The following HSD17B4 variants were observed in gnomAD, a reference collection of about 807,000 sequenced individuals.
HSD17B4 encodes peroxisomal multifunctional enzyme type 2.
HSD17B4 carries 70 observed loss-of-function variants against 101.0 expected under a neutral mutation model. The observed-to-expected ratio is 0.69, with a 90% CI of 0.57 to 0.85. The LOEUF is 0.85. HSD17B4 is among the 40% of genes least tolerant of loss of function. The pLI, the probability that HSD17B4 is intolerant of heterozygous loss-of-function variation, is 0.00. For missense variants in HSD17B4, 984 were observed against 892.4 expected (o/e 1.10, Z -1.31); for synonymous variants, 347 against 297.1 (o/e 1.17, Z -1.73).
rs181750711 is a variant in HSD17B4 at position 119,501,890 on chromosome 5, A to G, written c.1210-151A>G. ...GGGGGATTGATTATTTTTCAATCACATGATTAAGAAGAAGCCAAACAGAGA... is the reference window on the plus strand; with the variant it reads ...GGGGGATTGATTATTTTTCAATCACGTGATTAAGAAGAAGCCAAACAGAGA... On this transcript the variant is annotated intron_variant, in intron 13 of 23. Transcript: ENST00000510025. 7.7e-5 allele frequency: 48 copies of G among 622,770 alleles called. No individual in the cohort carries two copies. The East Asian group carries it at 1.2e-3, about 15-fold the overall frequency. 38.6% of individuals were successfully genotyped at this position (622,770 alleles called of 1,614,324 possible). A position where few individuals can be genotyped will look rare whatever the true frequency, so the allele number is the denominator to read the frequency against.
chr5:119,461,839 T>A (rs1755272755), intron 2 of HSD17B4, among the ~76,000 whole-genome samples: 1 of 152,182 alleles, frequency 6.6e-6, no homozygotes, highest in South Asian at 2.1e-4. Flanking sequence ...GAGCTATCAT[T>A]GTGTCACTGC....
intron 22 of HSD17B4, among the ~76,000 whole-genome samples, chr5:119,532,581 A>G (rs530455624): frequency 1.3e-5 from 2 of 149,686 alleles, no homozygotes; most frequent in East Asian, 4.6e-4. Context: ...ATGTAAGTAT[A>G]ATATGATACT....
intron 14 of HSD17B4, among the ~76,000 whole-genome samples, chr5:119,502,939 A>G (rs1751306195): frequency 6.6e-6 from 1 of 152,164 alleles, no homozygotes; most frequent in Non-Finnish European, 1.5e-5. Context: ...TCTGCTGGAT[A>G]CCCAGTATTT....
At chr5:119,470,146 C>T (rs946065268) in intron 2 of HSD17B4, among the ~76,000 whole-genome samples, 6 of 151,598 alleles carry the variant, frequency 4.0e-5, no homozygotes, top group Admixed American at 3.9e-4. Flanking sequence ...ATGCGTATGT[C>T]AGCCTTTCTC....
intron 11 of HSD17B4, among the ~76,000 whole-genome samples, chr5:119,494,342 TTTCTTTC>T (rs1402796441): frequency 7.0e-6 from 1 of 142,680 alleles, no homozygotes; most frequent in Non-Finnish European, 1.6e-5. Context: ...TCTTTCTTTC[TTTCTTTC>T]TTTCTTTCTT....
At chr5:119,466,090 C>T (rs545932305) in intron 2 of HSD17B4, among the ~76,000 whole-genome samples, 1 of 152,084 alleles carries the variant, frequency 6.6e-6, no homozygotes, top group Non-Finnish European at 1.5e-5. Context: ...GTTTTTTTCT[C>T]CTTTGTTTTG....
In HSD17B4 at chr5:119,456,643, A is replaced by C. The variant is rs1465034590; in HGVS notation, c.112+275A>C. 1.1e-5 allele frequency: 5 copies of C among 464,078 alleles called. No homozygotes were observed. The East Asian group carries it at 2.1e-4, about 20-fold the overall frequency. 28.7% of individuals were successfully genotyped at this position (464,078 alleles called of 1,614,324 possible). ...GTGGCTATAACTCCAGTGACTCAGGAGGCTGAGGTGGGAGGATCGCTTGAG... is the reference window on the plus strand; with the variant it reads ...GTGGCTATAACTCCAGTGACTCAGGCGGCTGAGGTGGGAGGATCGCTTGAG... On this transcript the variant is annotated intron_variant, in intron 2 of 23. Coordinates refer to ENST00000510025, the MANE Select transcript of HSD17B4 (RefSeq NM_000414.4).
At chr5:119,496,042 A>T (rs1208362367) in intron 11 of HSD17B4, among the ~76,000 whole-genome samples, 2 of 152,132 alleles carry the variant, frequency 1.3e-5, no homozygotes, top group African/African-American at 2.4e-5. Flanking sequence ...GTCATTGGTT[A>T]TGATGATGAT....
chr5:119,509,016 A>C (rs1471646726), intron 15 of HSD17B4, 125 bp from the exon 16 acceptor site: 6 of 679,098 alleles, frequency 8.8e-6, no homozygotes, highest in African/African-American at 1.8e-5. Flanking sequence ...TTTACATGTT[A>C]GAACTCTTTC....
At chr5:119,470,520 G>A (rs1756260369) in intron 2 of HSD17B4, among the ~76,000 whole-genome samples, 1 of 152,204 alleles carries the variant, frequency 6.6e-6, no homozygotes, top group Non-Finnish European at 1.5e-5. Context: ...CTCAGGGTCT[G>A]TGATTACAGG....
intron 2 of HSD17B4, among the ~76,000 whole-genome samples, chr5:119,464,352 G>T (rs191697783): frequency 4.5e-4 from 68 of 152,154 alleles, no homozygotes; most frequent in African/African-American, 1.6e-3. Flanking sequence ...TAAATTTTGT[G>T]TTGATTTTTG....
chr5:119,510,790 G>A (rs138044281), intron 16 of HSD17B4, among the ~76,000 whole-genome samples: 265 of 152,292 alleles, frequency 1.7e-3, no homozygotes, highest in African/African-American at 6.1e-3. Context: ...TACCCCAGGC[G>A]TTTGCAGCCA....
chr5:119,525,907 C>G lies in HSD17B4; in HGVS notation c.1574-10C>G, dbSNP rs1270877545. The G allele has an allele frequency of 6.5e-7, 1 of 1,539,174 alleles. No individual in the cohort carries two copies. Among genetic ancestry groups the G allele is most frequent in the Admixed American group, 1.7e-5 (1 of 59,782 alleles). Reference sequence around the variant, plus strand: ...ACCTGTATCTAACTCAGTGTTCTCTCTTTTCCTAGGTTTTGACAAGCCCAT... The same window carrying G: ...ACCTGTATCTAACTCAGTGTTCTCTGTTTTCCTAGGTTTTGACAAGCCCAT... On this transcript the variant is annotated splice_polypyrimidine_tract_variant and intron_variant, in intron 18 of 23. Coordinates refer to ENST00000510025, the MANE Select transcript of HSD17B4 (RefSeq NM_000414.4).
intron 4 of HSD17B4, among the ~76,000 whole-genome samples, chr5:119,474,937 GC>G (rs1309067800): frequency 6.6e-6 from 1 of 151,770 alleles, no homozygotes; most frequent in Non-Finnish European, 1.5e-5. Context: ...TATTTCTGTA[GC>G]TAATCTTCCC....
chr5:119,484,313 A>C (rs941406602), intron 8 of HSD17B4, among the ~76,000 whole-genome samples: 4 of 152,222 alleles, frequency 2.6e-5, no homozygotes, highest in Non-Finnish European at 5.9e-5. Flanking sequence ...TGGAAAATCA[A>C]TCGACTGCTT....
intron 14 of HSD17B4, among the ~76,000 whole-genome samples, chr5:119,504,911 T>G (rs968445083): frequency 6.6e-6 from 1 of 152,202 alleles, no homozygotes; most frequent in Non-Finnish European, 1.5e-5. Context: ...TAATCCATCT[T>G]GAGTTAATTT....
chr5:119,536,140 G>T (rs139896950), intron 22 of HSD17B4: 2 of 389,276 alleles, frequency 5.1e-6, no homozygotes, highest in African/African-American at 4.1e-5. Flanking sequence ...TCTTATAGGT[G>T]TCTATAAACT....
intron 23 of HSD17B4, 110 bp from the exon 24 acceptor site, chr5:119,541,795 C>G: frequency 1.4e-6 from 1 of 714,424 alleles, no homozygotes; most frequent in Non-Finnish European, 2.4e-6. Flanking sequence ...CTTTGTTGTC[C>G]AGAATTATTA....
chr5:119,536,762 C>G (rs1359616314), intron 23 of HSD17B4, among the ~76,000 whole-genome samples: 1 of 151,980 alleles, frequency 6.6e-6, no homozygotes, highest in African/African-American at 2.4e-5. Flanking sequence ...GAACCCACAT[C>G]TAGATTTTTT....
Sources: gnomAD v4.1 joint callset for allele counts (sites outside exome capture counted in the v4.1 genomes callset) on GRCh38, gnomAD v4.1.1 for gene constraint, MANE v1.5 for transcripts, NCBI Gene and HGNC (gene_info 2026-07-23, HGNC 2026-07-21) for gene names.